The following ADRA1B variants were observed in gnomAD, a reference collection of about 807,000 sequenced individuals.
The protein encoded by ADRA1B is alpha-1B adrenergic receptor.
ADRA1B carries 17 observed loss-of-function variants against 17.9 expected under a neutral mutation model. The observed-to-expected ratio is 0.95, with a 90% CI of 0.65 to 1.42. ADRA1B has a LOEUF of 1.42. Among genes scored for constraint, ADRA1B ranks in the 40% most tolerant of loss-of-function variants. The pLI, the probability that ADRA1B is intolerant of heterozygous loss-of-function variation, is 0.00. For synonymous variants in ADRA1B, 366 were observed against 327.6 expected, an observed-to-expected ratio of 1.12 and a Z score of -1.27; for missense variants, 681 against 722.1, an observed-to-expected ratio of 0.94 and a Z score of 0.65.
At chr5:159,939,693 G>T (rs576647026) in intron 1 of ADRA1B, among the ~76,000 whole-genome samples, 1 of 152,258 alleles carries the variant, frequency 6.6e-6, no homozygotes, top group South Asian at 2.1e-4. Context: ...AGAATTAATA[G>T]CCAGTAAGGC....
At chr5:159,873,128 G>A (rs2113073773) in intron 1 of ADRA1B, among the ~76,000 whole-genome samples, 1 of 152,272 alleles carries the variant, frequency 6.6e-6, no homozygotes, top group East Asian at 1.9e-4. Context: ...TGGCTGCATA[G>A]TATTCCATAG....
intron 1 of ADRA1B, among the ~76,000 whole-genome samples, chr5:159,909,418 G>T (rs115382968): frequency 0.014 from 2,065 of 152,306 alleles, 55 homozygotes; most frequent in African/African-American, 0.048. Flanking sequence ...CAAGGAAAAG[G>T]TTCCCACCAC....
chr5:159,925,344 T>C (rs1289306113), intron 1 of ADRA1B, among the ~76,000 whole-genome samples: 1 of 152,274 alleles, frequency 6.6e-6, no homozygotes, highest in Admixed American at 6.5e-5. Context: ...TCTTGTATTA[T>C]TGATGCTTTA....
chr5:159,973,221 C>G (rs1755920784), downstream of ADRA1B, among the ~76,000 whole-genome samples: 1 of 152,252 alleles, frequency 6.6e-6, no homozygotes, highest in Non-Finnish European at 1.5e-5. Context: ...TTTGCGGTTA[C>G]TGACCTACAG....
At chr5:159,889,905 C>T (rs894603540) in intron 1 of ADRA1B, among the ~76,000 whole-genome samples, 8 of 152,186 alleles carry the variant, frequency 5.3e-5, no homozygotes, top group African/African-American at 1.7e-4. Flanking sequence ...CTTCTTGAAC[C>T]TAACACTTAT....
At chr5:159,923,551 G>C (rs532739952) in intron 1 of ADRA1B, among the ~76,000 whole-genome samples, 1 of 152,384 alleles carries the variant, frequency 6.6e-6, no homozygotes, top group East Asian at 1.9e-4. Context: ...AAGGGGAACA[G>C]AGTGGGAAGG....
upstream of ADRA1B, among the ~76,000 whole-genome samples, chr5:159,912,379 A>T (rs1754235851): frequency 6.6e-6 from 1 of 152,244 alleles, no homozygotes; most frequent in African/African-American, 2.4e-5. Context: ...CAGAAGTGCA[A>T]TTAGAATCCA....
At chr5:159,879,755 G>C (rs962025543) in intron 1 of ADRA1B, among the ~76,000 whole-genome samples, 1 of 152,160 alleles carries the variant, frequency 6.6e-6, no homozygotes, top group South Asian at 2.1e-4. Context: ...CAGCACTTTG[G>C]GAGGCCGAGG....
chr5:159,948,766 A>G (rs1025125094), intron 1 of ADRA1B, among the ~76,000 whole-genome samples: 27 of 152,316 alleles, frequency 1.8e-4, no homozygotes, highest in South Asian at 1.2e-3. Context: ...TATGTTGAAT[A>G]TTTGGGGTTG....
At chr5:159,919,618 A>G (rs1318517112) in intron 1 of ADRA1B, among the ~76,000 whole-genome samples, 1 of 152,234 alleles carries the variant, frequency 6.6e-6, no homozygotes, top group African/African-American at 2.4e-5. Context: ...CCCCTTCGGT[A>G]TAACTGTGTC....
At chr5:159,971,651 C>A (rs1236394341) in intron 1 of ADRA1B, among the ~76,000 whole-genome samples, 1 of 152,154 alleles carries the variant, frequency 6.6e-6, no homozygotes, top group Non-Finnish European at 1.5e-5. Flanking sequence ...AGAAAGGTTT[C>A]ATGGACAAAG....
chr5:159,917,189 G>A lies in ADRA1B; in HGVS notation c.284G>A (p.Ser95Asn). The part of the protein sequence containing the change: ...VNLAMADLLL[S>N]FTVLPFSAAL... The stretch of plus-strand genomic sequence containing the variant: ...CTGGCCATGGCCGACCTGCTGTTGA[G>A]CTTCACCGTCCTGCCCTTCTCAGCG... Residue 95 changes from serine (S) to asparagine (N), a missense_variant, in exon 1 of 2, where the codon AGC (serine) becomes AAC (asparagine). Ser to Asn is a conservative substitution (Grantham distance 46). Around this residue, in one of 3 missense-constraint regions of ADRA1B, gnomAD observed 424 missense variants for 480.2 expected, o/e 0.88. Coordinates refer to ENST00000306675, the MANE Select transcript of ADRA1B (RefSeq NM_000679.4). The A allele has an allele frequency of 6.2e-7, 1 of 1,614,184 alleles. No homozygotes were observed. The highest frequency in any genetic ancestry group is 1.1e-5 in the South Asian group (1 of 91,086).
intron 1 of ADRA1B, among the ~76,000 whole-genome samples, chr5:159,963,338 T>C (rs1435986172): frequency 1.5e-5 from 2 of 137,330 alleles, no homozygotes; most frequent in Non-Finnish European, 3.2e-5. Flanking sequence ...ATATTTTGTT[T>C]TCCTGTGAGC....
At chr5:159,931,526 C>A (rs1754805879) in intron 1 of ADRA1B, among the ~76,000 whole-genome samples, 1 of 151,986 alleles carries the variant, frequency 6.6e-6, no homozygotes, top group Admixed American at 6.6e-5. Context: ...GAAGAATTTT[C>A]TCTTTCTTGG....
chr5:159,869,911 T>C (rs776262397), intron 1 of ADRA1B: 10 of 152,212 alleles, frequency 6.6e-5, no homozygotes, highest in Non-Finnish European at 1.3e-4. Context: ...AGCAGTAATA[T>C]GTGATATGTT....
the ADRA1B span, among the ~76,000 whole-genome samples, chr5:159,981,109 T>C: frequency 1.4e-3 from 213 of 152,232 alleles, 1 homozygote; most frequent in Middle Eastern, 3.4e-3. Context: ...CAGGATGAAA[T>C]ACATTTTACA....
chr5:159,923,751 G>A (rs1055500406), intron 1 of ADRA1B, among the ~76,000 whole-genome samples: 1 of 152,254 alleles, frequency 6.6e-6, no homozygotes, highest in Non-Finnish European at 1.5e-5. Context: ...GTTTTTAAAA[G>A]AATAGATCCT....
chr5:159,890,618 C>T (rs760672039), intron 1 of ADRA1B, among the ~76,000 whole-genome samples: 4 of 152,278 alleles, frequency 2.6e-5, no homozygotes, highest in East Asian at 1.9e-4. Flanking sequence ...TGGCTGGGGG[C>T]CTAGCACGGA....
At chr5:159,913,058 A>G (rs1754243475), upstream of ADRA1B, among the ~76,000 whole-genome samples, 1 of 152,196 alleles carries the variant, frequency 6.6e-6, no homozygotes, top group South Asian at 2.1e-4. Context: ...TAGATGTCTT[A>G]AGCAGATCCT....
Sources: gnomAD v4.1 joint callset for allele counts (sites outside exome capture counted in the v4.1 genomes callset) on GRCh38, gnomAD v4.1.1 for gene constraint, gnomAD v4.1.1 regional missense constraint, MANE v1.5 for transcripts, NCBI Gene and HGNC (gene_info 2026-07-23, HGNC 2026-07-21) for gene names.